Variants in PRKG1 observed in about 807,000 individuals in gnomAD.
The protein encoded by PRKG1 is cGMP-dependent protein kinase 1.
Under a neutral mutation model 88.1 loss-of-function variants are expected in PRKG1, and 35 were observed. That is an observed-to-expected ratio of 0.40 (90% CI 0.30 to 0.53). The LOEUF (loss-of-function observed/expected upper bound fraction) is 0.53, where lower values mean the gene tolerates loss of function less well. Among genes scored for constraint, PRKG1 ranks in the 20% least tolerant of loss-of-function variants. The probability of loss-of-function intolerance (pLI) is 0.59; values close to 1 mark genes in which losing one functional copy is unlikely to be tolerated. For missense variants in PRKG1, 540 were observed against 839.8 expected, an observed-to-expected ratio of 0.64 and a Z score of 4.41; for synonymous variants, 303 against 292.5, an observed-to-expected ratio of 1.04 and a Z score of -0.37.
chr10:51,969,102 T>A (rs1179292850), intron 5 of PRKG1, among the ~76,000 whole-genome samples: 1 of 152,118 alleles, frequency 6.6e-6, no homozygotes, highest in Non-Finnish European at 1.5e-5. Flanking sequence ...TTAACATTGG[T>A]TTGGGAATTT....
chr10:52,219,327 T>G (rs1840187995), intron 9 of PRKG1, among the ~76,000 whole-genome samples: 1 of 152,194 alleles, frequency 6.6e-6, no homozygotes, highest in African/African-American at 2.4e-5. Context: ...TGTATTTTCC[T>G]TCAGATTACA....
chr10:51,670,716 A>G, intron 3 of PRKG1, among the ~76,000 whole-genome samples: 1 of 148,292 alleles, frequency 6.7e-6, no homozygotes, highest in African/African-American at 2.5e-5. Flanking sequence ...AGCCTGGGCG[A>G]CAGAGCGAGA....
chr10:51,917,014 G>T (rs1842356025), intron 5 of PRKG1, among the ~76,000 whole-genome samples: 1 of 152,030 alleles, frequency 6.6e-6, no homozygotes, highest in African/African-American at 2.4e-5. Flanking sequence ...AGTGGAGAAG[G>T]TGAGTGACTA....
intron 2 of PRKG1, among the ~76,000 whole-genome samples, chr10:51,295,695 A>G (rs1368653960): frequency 1.3e-5 from 2 of 151,346 alleles, no homozygotes; most frequent in Non-Finnish European, 2.9e-5. Context: ...TGTTCTGGCT[A>G]GGACTTCCAG....
In PRKG1 at chr10:51,955,103, A is replaced by G. The variant is rs73339217; in HGVS notation, c.762+47533A>G. Among the ~76,000 whole-genome samples, 1,044 of 152,028 alleles carry G rather than the reference A, an allele frequency of 6.9e-3. 12 individuals are homozygous for G. Among genetic ancestry groups the G allele is most frequent in the African/African-American group, 0.024 (979 of 41,476 alleles). ...ATAATTTTGTAGTTGGCTTTTTAAG[A>G]TTCTTTCTTTGGCCTATGGGATGCA... On this transcript the variant is annotated intron_variant, in intron 5 of 17. Transcript: ENST00000373980.
intron 3 of PRKG1, among the ~76,000 whole-genome samples, chr10:51,686,307 C>T (rs1305203373): frequency 2.6e-5 from 4 of 152,138 alleles, no homozygotes; most frequent in Non-Finnish European, 5.9e-5. Context: ...TCTTCACCCC[C>T]ATCAAGTAGG....
chr10:52,276,284 C>A (rs1275606611), intron 12 of PRKG1, among the ~76,000 whole-genome samples: 1 of 152,066 alleles, frequency 6.6e-6, no homozygotes, highest in African/African-American at 2.4e-5. Flanking sequence ...GGAATGCTTT[C>A]AACTTTTCTC....
chr10:51,073,769 G>A (rs910118954), upstream of PRKG1, among the ~76,000 whole-genome samples: 7 of 152,114 alleles, frequency 4.6e-5, no homozygotes, highest in African/African-American at 1.4e-4. Flanking sequence ...AGGCTGAAAG[G>A]GGGAATTCCT....
intron 4 of PRKG1, among the ~76,000 whole-genome samples, chr10:51,833,717 C>A (rs775663514): frequency 6.6e-6 from 1 of 152,102 alleles, no homozygotes; most frequent in African/African-American, 2.4e-5. Context: ...AAAATTAACT[C>A]TTTTAGGTAT....
At chr10:51,775,974 T>C (rs2132553736) in intron 3 of PRKG1, among the ~76,000 whole-genome samples, 1 of 152,310 alleles carries the variant, frequency 6.6e-6, no homozygotes, top group Non-Finnish European at 1.5e-5. Context: ...TATTCCTTTC[T>C]TTATTTTAGT....
At chr10:51,561,389 T>A (rs757307237) in intron 3 of PRKG1, among the ~76,000 whole-genome samples, 1 of 152,020 alleles carries the variant, frequency 6.6e-6, no homozygotes, top group African/African-American at 2.4e-5. Flanking sequence ...ATCTTCCCAT[T>A]TAACTTGAAA....
At chr10:52,216,027 A>C (rs1840102725) in intron 9 of PRKG1, among the ~76,000 whole-genome samples, 1 of 152,198 alleles carries the variant, frequency 6.6e-6, no homozygotes, top group African/African-American at 2.4e-5. Context: ...AAAGGAAACA[A>C]GCAAACTGTA....
At chr10:51,464,669 A>G (rs1259814788) in intron 2 of PRKG1, among the ~76,000 whole-genome samples, 1 of 151,880 alleles carries the variant, frequency 6.6e-6, no homozygotes, top group African/African-American at 2.4e-5. Flanking sequence ...AGGCGGGCGG[A>G]TCACGAGGTC....
At chr10:51,783,146 A>G (rs1006974227) in intron 3 of PRKG1, among the ~76,000 whole-genome samples, 1 of 152,102 alleles carries the variant, frequency 6.6e-6, no homozygotes, top group East Asian at 1.9e-4. Flanking sequence ...ATTTTCCTTC[A>G]GGTTTTGAAT....
intron 3 of PRKG1, among the ~76,000 whole-genome samples, chr10:51,763,037 G>A (rs1395433634): frequency 2.6e-5 from 4 of 152,156 alleles, no homozygotes; most frequent in South Asian, 2.1e-4. Flanking sequence ...TAGGTTAATC[G>A]TTACAGAGGG....
At chr10:51,571,178 A>T (rs968528313) in intron 3 of PRKG1, among the ~76,000 whole-genome samples, 23 of 151,952 alleles carry the variant, frequency 1.5e-4, no homozygotes, top group Admixed American at 5.3e-4. Context: ...ATTAGCGTTT[A>T]TGTGCCTGCC....
intron 1 of PRKG1, among the ~76,000 whole-genome samples, chr10:50,995,827 T>C (rs1185123476): frequency 6.6e-6 from 1 of 152,224 alleles, no homozygotes; most frequent in Non-Finnish European, 1.5e-5. Flanking sequence ...TTTGAGTTAT[T>C]CTTGTCATGA....
intron 4 of PRKG1, among the ~76,000 whole-genome samples, chr10:51,882,584 G>T (rs1841464466): frequency 6.6e-6 from 1 of 152,176 alleles, no homozygotes; most frequent in Non-Finnish European, 1.5e-5. Context: ...ATGGAAATAT[G>T]CAAGTCACAT....
At chr10:52,212,613 G>A (rs1840007798) in intron 9 of PRKG1, among the ~76,000 whole-genome samples, 1 of 151,450 alleles carries the variant, frequency 6.6e-6, no homozygotes, top group Admixed American at 6.6e-5. Flanking sequence ...GAGGGGTGGT[G>A]TAGGGGAGAG....
Sources: allele counts gnomAD v4.1 joint callset (sites outside exome capture counted in the v4.1 genomes callset), GRCh38; gene constraint gnomAD v4.1.1; transcripts MANE v1.5; gene names NCBI Gene and HGNC (gene_info 2026-07-23, HGNC 2026-07-21).